The following AMZ1 variants were observed in gnomAD, a reference collection of about 807,000 sequenced individuals.
AMZ1 encodes the protein archaelysin family metallopeptidase 1, also known as archaemetzincin-1.
In AMZ1, 39 loss-of-function variants were observed where a neutral mutation model predicts 29.9. That is an observed-to-expected ratio of 1.30 (90% confidence interval 1.01 to 1.70). The LOEUF (loss-of-function observed/expected upper bound fraction) is 1.70, where lower values mean the gene tolerates loss of function less well. Among genes scored for constraint, AMZ1 ranks in the 40% most tolerant of loss-of-function variants. AMZ1 has a pLI of 0.00. For missense variants in AMZ1, 1,041 were observed against 680.6 expected (o/e 1.53, Z -5.89); for synonymous variants, 458 against 304.0 (o/e 1.51, Z -5.27).
chr7:2,691,679 C>A (rs959839878), intron 1 of AMZ1, among the ~76,000 whole-genome samples: 1 of 135,382 alleles, frequency 7.4e-6, no homozygotes, highest in Non-Finnish European at 1.5e-5. Context: ...TGCAGTGAGC[C>A]GAGATTGCGC....
At chr7:2,685,944 C>T (rs549748002), upstream of AMZ1, among the ~76,000 whole-genome samples, 589 of 151,930 alleles carry the variant, frequency 3.9e-3, 1 homozygote, top group Non-Finnish European at 5.8e-3. Flanking sequence ...AAAATCCCTG[C>T]GGCAACACGT....
At chr7:2,741,114 G>A (rs932171590) in intron 4 of AMZ1, among the ~76,000 whole-genome samples, 1 of 152,092 alleles carries the variant, frequency 6.6e-6, no homozygotes, top group Non-Finnish European at 1.5e-5. Context: ...TTCTTCATTT[G>A]TATCACAGGG....
intron 1 of AMZ1, among the ~76,000 whole-genome samples, chr7:2,696,543 C>T (rs1353056562): frequency 2.6e-5 from 4 of 151,218 alleles, no homozygotes; most frequent in South Asian, 2.1e-4. Flanking sequence ...AGGCGTGAGC[C>T]ACCGCACCTG....
chr7:2,739,015 C>T (rs940934128), intron 4 of AMZ1, among the ~76,000 whole-genome samples: 6 of 152,148 alleles, frequency 3.9e-5, no homozygotes, highest in Non-Finnish European at 7.3e-5. Context: ...GGAAGAGCTG[C>T]ACAGGGTCCT....
At chr7:2,707,381 G>C (rs957550270) in intron 3 of AMZ1, among the ~76,000 whole-genome samples, 1 of 151,700 alleles carries the variant, frequency 6.6e-6, no homozygotes, top group Non-Finnish European at 1.5e-5. Context: ...GTGTGCCTCT[G>C]TGCCGCAACC....
chr7:2,763,856 C>A (rs1320515054), upstream of AMZ1, among the ~76,000 whole-genome samples: 1 of 152,208 alleles, frequency 6.6e-6, no homozygotes, highest in Non-Finnish European at 1.5e-5. Context: ...GCCTCCATGG[C>A]TGGCAGAGAG....
chr7:2,733,994 G>A (rs1451184563), intron 4 of AMZ1, among the ~76,000 whole-genome samples: 2 of 152,236 alleles, frequency 1.3e-5, no homozygotes, highest in South Asian at 2.1e-4. Context: ...CCAGTTTCTA[G>A]AAAGAGTCCA....
chr7:2,714,437 G>A lies in AMZ1; in HGVS notation c.*1559G>A, dbSNP rs1448111306. 1.3e-5 allele frequency: 2 copies of A among 152,364 alleles called. No individual in the cohort carries two copies. The highest frequency in any genetic ancestry group is 3.8e-4 in the East Asian group (2 of 5,332). The allele number at this position is 152,364 out of a possible 1,614,324, so 9.4% of individuals were successfully genotyped here. On this transcript the variant is annotated 3_prime_UTR_variant, in exon 7 of 7. Coordinates refer to ENST00000683327, the MANE Select transcript of AMZ1 (RefSeq NM_001384743.1). ...GAAGCAAAGATGCAGCTCAGAAGTAGCATTAGGATCTTCGTCCCGTTCTCT... is the reference window on the plus strand; with the variant it reads ...GAAGCAAAGATGCAGCTCAGAAGTAACATTAGGATCTTCGTCCCGTTCTCT...
intron 4 of AMZ1, among the ~76,000 whole-genome samples, chr7:2,750,524 T>C (rs559546891): frequency 2.0e-5 from 3 of 152,326 alleles, no homozygotes; most frequent in African/African-American, 4.8e-5. Flanking sequence ...GTTTAATTGA[T>C]AAGTTAGGCA....
chr7:2,709,757 C>A lies in AMZ1; in HGVS notation c.889C>A (p.Pro297Thr), dbSNP rs1788640991. 1.8e-5 allele frequency: 29 copies of A among 1,611,906 alleles called. No individual in the cohort carries two copies. The highest frequency in any genetic ancestry group is 2.4e-5 in the Non-Finnish European group (28 of 1,179,886). Residue 297 changes from proline (P) to threonine (T), a missense_variant, in exon 6 of 7, where the codon CCC (proline) becomes ACC (threonine). By Grantham distance (38) the Pro-to-Thr change is conservative. Transcript: ENST00000683327. ...CCTGCGGCGGCCCCTGGACCTCTGTCCCATCTGCCTGAGGAAGCTGCAGCA... is the reference window on the plus strand; with the variant it reads ...CCTGCGGCGGCCCCTGGACCTCTGTACCATCTGCCTGAGGAAGCTGCAGCA... ...EALRRPLDLC[P>T]ICLRKLQHVL... is the part of the protein sequence containing the mutation.
chr7:2,745,802 T>C (rs1488498325), intron 4 of AMZ1, among the ~76,000 whole-genome samples: 1 of 151,816 alleles, frequency 6.6e-6, no homozygotes, highest in Non-Finnish European at 1.5e-5. Flanking sequence ...ACACATAGGC[T>C]CAAAATAAAG....
intron 2 of AMZ1, 77 bp downstream of exon 2, chr7:2,700,832 A>T: frequency 6.5e-7 from 1 of 1,533,810 alleles, no homozygotes; most frequent in East Asian, 2.3e-5. Context: ...ATGTCTGTGC[A>T]TAGCCCCCAG....
intron 1 of AMZ1, among the ~76,000 whole-genome samples, chr7:2,691,955 T>C (rs766703473): frequency 5.3e-5 from 8 of 152,162 alleles, no homozygotes; most frequent in Non-Finnish European, 1.0e-4. Context: ...CAAATAATTC[T>C]GAGCTGGCTG....
Position 2,731,633 on chromosome 7 carries a change from G to T in AMZ1, n.550+21817G>T, listed in dbSNP as rs980878134. 6.2e-7 allele frequency: 1 copy of T among 1,613,684 alleles called. No individual in the cohort carries two copies. The highest frequency in any genetic ancestry group is 1.1e-5 in the South Asian group (1 of 91,068). ...TGGAACCACTTCTGGCGCTGGGACC[G>T]CTGGCCGCCCACATCCACCATCTTA... On this transcript the variant is annotated intron_variant and non_coding_transcript_variant, in intron 4 of 4. Coordinates refer to the AMZ1 transcript ENST00000489665. The surrounding 1 kb of genome is among the most constrained non-coding windows in gnomAD (Gnocchi z 6.0).
chr7:2,736,050 G>A (rs149678719), intron 4 of AMZ1, among the ~76,000 whole-genome samples: 34 of 152,314 alleles, frequency 2.2e-4, no homozygotes, highest in Middle Eastern at 3.4e-3. Flanking sequence ...CGGGACGATC[G>A]TTTGCGACGG....
chr7:2,721,922 T>C (rs1171854057), downstream of AMZ1, among the ~76,000 whole-genome samples: 1 of 152,244 alleles, frequency 6.6e-6, no homozygotes, highest in Admixed American at 6.5e-5. Flanking sequence ...CTTTATCATA[T>C]CTTAACCTCG....
chr7:2,700,353 G>C lies in AMZ1; in HGVS notation c.-99G>C. ...GAGCCCCCGGTAGCCACTCGGATCA[G>C]CCCGAGGGAAGATTCTGGACGAGAC... is the stretch of plus-strand genomic sequence containing the variant. On this transcript the variant is annotated 5_prime_UTR_variant, in exon 2 of 7. Transcript: ENST00000683327. The C allele has an allele frequency of 7.1e-7, 1 of 1,402,486 alleles. No individual in the cohort carries two copies. The highest frequency in any genetic ancestry group is 9.6e-7 in the Non-Finnish European group (1 of 1,043,206). The allele number at this position is 1,402,486 out of a possible 1,614,324, so 86.9% of individuals were successfully genotyped here.
At chr7:2,696,287 C>G (rs1400500382) in intron 1 of AMZ1, among the ~76,000 whole-genome samples, 1 of 137,430 alleles carries the variant, frequency 7.3e-6, no homozygotes, top group Non-Finnish European at 1.5e-5. Context: ...GATGGAGTCT[C>G]GCTCTGTCAC....
chr7:2,708,599 T>G lies in AMZ1; in HGVS notation c.484T>G (p.Ser162Ala), dbSNP rs150929801. The G allele has an allele frequency of 2.5e-6, 4 of 1,612,672 alleles. No individual in the cohort carries two copies. The highest frequency in any genetic ancestry group is 3.4e-6 in the Non-Finnish European group (4 of 1,179,968). Residue 162 changes from serine to alanine, a missense_variant, in exon 4 of 7, where the codon TCC becomes GCC. Physicochemically the swap from Ser to Ala is moderately conservative, Grantham distance 99. Coordinates refer to ENST00000683327, the MANE Select transcript of AMZ1 (RefSeq NM_001384743.1). ...CCCTCTCCCCGCAGACGGCATCCTG[T>G]CCTTCTTGAAGAACAACAAGCCAGG... ...RLQLHTDGILSFLKNNKPGDA... is the reference protein window; with the variant it reads ...RLQLHTDGILAFLKNNKPGDA...
Sources: allele counts gnomAD v4.1 joint callset (sites outside exome capture counted in the v4.1 genomes callset), GRCh38; gene constraint gnomAD v4.1.1; non-coding constraint Gnocchi (gnomAD v3.1); transcripts MANE v1.5; gene names NCBI Gene and HGNC (gene_info 2026-07-23, HGNC 2026-07-21).